Variants in TAFA1 observed in about 807,000 individuals in gnomAD.
TAFA1 encodes TAFA chemokine like family member 1, also known as chemokine-like protein TAFA-1.
A neutral mutation model predicts 18.5 loss-of-function variants in TAFA1; 4 were observed. That is an observed-to-expected ratio of 0.22 (90% CI 0.11 to 0.49). The LOEUF (loss-of-function observed/expected upper bound fraction) is 0.49, where lower values mean the gene tolerates loss of function less well. Among genes scored for constraint, TAFA1 ranks in the 20% least tolerant of loss-of-function variants. The pLI is 0.98. For synonymous variants in TAFA1, 56 were observed against 55.2 expected (o/e 1.01, Z -0.06); for missense variants, 147 against 169.0 (o/e 0.87, Z 0.72).
chr3:68,431,003 T>G (rs868513086), intron 3 of TAFA1, among the ~76,000 whole-genome samples: 1 of 152,064 alleles, frequency 6.6e-6, no homozygotes, highest in Admixed American at 6.6e-5. Flanking sequence ...TCAATTTATT[T>G]TTCTCCTGAT....
intron 2 of TAFA1, among the ~76,000 whole-genome samples, chr3:68,008,544 G>A (rs886378461): frequency 3.3e-5 from 5 of 152,114 alleles, no homozygotes; most frequent in Non-Finnish European, 7.4e-5. Context: ...TGAAAGGTTA[G>A]GTGGCTTGTC....
At chr3:68,454,135 A>T (rs2071615697) in intron 3 of TAFA1, among the ~76,000 whole-genome samples, 1 of 152,234 alleles carries the variant, frequency 6.6e-6, no homozygotes, top group Non-Finnish European at 1.5e-5. Context: ...AACCTACAGT[A>T]GTTGACACAG....
intron 2 of TAFA1, among the ~76,000 whole-genome samples, chr3:68,194,051 G>A (rs2066380770): frequency 2.0e-5 from 3 of 151,884 alleles, no homozygotes; most frequent in South Asian, 4.2e-4. Context: ...ACTCTCTGGG[G>A]CATGCTTTTC....
intron 2 of TAFA1, among the ~76,000 whole-genome samples, chr3:68,314,737 G>A (rs1219659649): frequency 2.0e-5 from 3 of 151,984 alleles, no homozygotes; most frequent in African/African-American, 7.2e-5. Context: ...CCTGTGGTGA[G>A]AGATGCTCAG....
intron 3 of TAFA1, among the ~76,000 whole-genome samples, chr3:68,418,406 G>A (rs1355436294): frequency 6.6e-6 from 1 of 151,024 alleles, no homozygotes; most frequent in Non-Finnish European, 1.5e-5. Flanking sequence ...CTTTCACAAG[G>A]TAATGTCGTC....
At chr3:68,486,067 T>C (rs2072330899) in intron 3 of TAFA1, among the ~76,000 whole-genome samples, 1 of 110,408 alleles carries the variant, frequency 9.1e-6, no homozygotes, top group Non-Finnish European at 1.9e-5. Flanking sequence ...CTGGCTAAAT[T>C]TTTATTTTTA....
intron 2 of TAFA1, among the ~76,000 whole-genome samples, chr3:68,329,828 A>G (rs2068834379): frequency 1.3e-5 from 2 of 152,194 alleles, no homozygotes; most frequent in Non-Finnish European, 2.9e-5. Context: ...AGATAGAGAA[A>G]TGGGAGGGTT....
chr3:68,271,689 GTGTCCAAA>G (rs1477495321), intron 2 of TAFA1, among the ~76,000 whole-genome samples: 1 of 152,078 alleles, frequency 6.6e-6, no homozygotes, highest in African/African-American at 2.4e-5. Context: ...ATACCCCACA[GTGTCCAAA>G]GAGTTAATAT....
intron 2 of TAFA1, among the ~76,000 whole-genome samples, chr3:68,279,887 A>G (rs1448329568): frequency 1.3e-5 from 2 of 152,130 alleles, no homozygotes; most frequent in Admixed American, 6.6e-5. Flanking sequence ...CTTTGGAGAA[A>G]TTTCAATTTG....
chr3:68,042,799 C>A (rs76117341), intron 2 of TAFA1, among the ~76,000 whole-genome samples: 1,792 of 152,312 alleles, frequency 0.012, 38 homozygotes, highest in African/African-American at 0.04. Context: ...GGCACAGAGG[C>A]TGGTGACTCC....
chr3:68,360,196 C>T (rs557521834), intron 2 of TAFA1, among the ~76,000 whole-genome samples: 1 of 152,072 alleles, frequency 6.6e-6, no homozygotes, highest in East Asian at 1.9e-4. Flanking sequence ...AGAATATTTA[C>T]TCCACAGATC....
intron 2 of TAFA1, among the ~76,000 whole-genome samples, chr3:68,304,962 C>T (rs2068376713): frequency 6.6e-6 from 1 of 152,090 alleles, no homozygotes; most frequent in Non-Finnish European, 1.5e-5. Context: ...CTCCTGCAAA[C>T]TGCAGTAAAA....
intron 3 of TAFA1, among the ~76,000 whole-genome samples, chr3:68,517,242 G>C (rs2072936595): frequency 6.6e-6 from 1 of 152,182 alleles, no homozygotes; most frequent in South Asian, 2.1e-4. Context: ...ACTATAATCA[G>C]TAATCTTTTT....
chr3:68,444,058 G>A (rs2071433026), intron 3 of TAFA1, among the ~76,000 whole-genome samples: 1 of 152,078 alleles, frequency 6.6e-6, no homozygotes, highest in African/African-American at 2.4e-5. Context: ...TTCCTCCATG[G>A]CCCTGTCTCT....
At chr3:68,358,936 T>G (rs1391247583) in intron 2 of TAFA1, among the ~76,000 whole-genome samples, 1 of 151,992 alleles carries the variant, frequency 6.6e-6, no homozygotes, top group African/African-American at 2.4e-5. Context: ...ATCATCCAAC[T>G]TGATTTAGAA....
chr3:68,349,854 A>G (rs2069233851), intron 2 of TAFA1, among the ~76,000 whole-genome samples: 1 of 152,114 alleles, frequency 6.6e-6, no homozygotes. Context: ...AGCCCAGAAG[A>G]TCAGCATCTC....
At chr3:68,273,787 G>A (rs1294480343) in intron 2 of TAFA1, among the ~76,000 whole-genome samples, 1 of 152,140 alleles carries the variant, frequency 6.6e-6, no homozygotes, top group Non-Finnish European at 1.5e-5. Flanking sequence ...TGCACAGGAA[G>A]AAATATTCCA....
chr3:68,012,309 T>C (rs944177608), intron 2 of TAFA1, among the ~76,000 whole-genome samples: 1 of 152,194 alleles, frequency 6.6e-6, no homozygotes, highest in African/African-American at 2.4e-5. Flanking sequence ...ATTGCAACAA[T>C]GGTTTTAATG....
intron 2 of TAFA1, among the ~76,000 whole-genome samples, chr3:68,034,008 G>A (rs1273308516): frequency 2.0e-5 from 3 of 152,124 alleles, no homozygotes; most frequent in South Asian, 2.1e-4. Context: ...TGTATAGACC[G>A]GAGCAAAGAT....
Sources: gnomAD v4.1 joint callset for allele counts (sites outside exome capture counted in the v4.1 genomes callset) on GRCh38, gnomAD v4.1.1 for gene constraint, MANE v1.5 for transcripts, NCBI Gene and HGNC (gene_info 2026-07-23, HGNC 2026-07-21) for gene names.